Variants in TANGO2 observed in about 807,000 individuals in gnomAD.
The protein encoded by TANGO2 is transport and Golgi organization protein 2 homolog.
A neutral mutation model predicts 39.1 loss-of-function variants in TANGO2; 26 were observed. The ratio of observed to expected loss-of-function variants is 0.67; its 90% CI spans 0.49 to 0.92. The LOEUF (loss-of-function observed/expected upper bound fraction) is 0.92. Ranked by LOEUF, TANGO2 falls within the 40% of genes least tolerant of loss-of-function variation. TANGO2 has a pLI of 0.00. For synonymous variants in TANGO2, 131 were observed against 144.5 expected (o/e 0.91, Z 0.67); for missense variants, 326 against 360.1 (o/e 0.91, Z 0.77).
chr22:20,057,113 C>A lies in TANGO2; in HGVS notation c.451+1100C>A. The A allele has an allele frequency of 2.7e-6, 1 of 376,042 alleles. No homozygotes were observed. Among genetic ancestry groups the A allele is most frequent in the Non-Finnish European group, 5.3e-6 (1 of 187,516 alleles). The allele number at this position is 376,042 out of a possible 1,614,324, so 23.3% of individuals were successfully genotyped here. A position where few individuals can be genotyped will look rare whatever the true frequency, so the allele number is the denominator to read the frequency against. On this transcript the variant is annotated intron_variant, in intron 6 of 8. Coordinates refer to ENST00000327374, the MANE Select transcript of TANGO2 (RefSeq NM_152906.7). The surrounding 1 kb of genome is among the most constrained non-coding windows in gnomAD (Gnocchi z 4.1). ...TGCACACCTTCCCACTGGGTGTACA[C>A]GGTGGAACTGAAGCCCCAGGCGTCC... is the stretch of plus-strand genomic sequence containing the variant.
upstream of TANGO2, among the ~76,000 whole-genome samples, chr22:20,020,095 G>A (rs1006690152): frequency 1.3e-5 from 2 of 152,216 alleles, no homozygotes; most frequent in African/African-American, 2.4e-5. Context: ...ACAGGTTGAA[G>A]CTAATGTGGC....
intron 3 of TANGO2, among the ~76,000 whole-genome samples, chr22:20,046,430 TA>T (rs1164873080): frequency 6.6e-6 from 1 of 150,858 alleles, no homozygotes; most frequent in Non-Finnish European, 1.5e-5. Context: ...TTACAGATAA[TA>T]AGCCATGGTG....
At chr22:20,031,090 T>A (rs970618538) in intron 1 of TANGO2, among the ~76,000 whole-genome samples, 10 of 151,798 alleles carry the variant, frequency 6.6e-5, no homozygotes, top group Non-Finnish European at 1.5e-4. Context: ...CCCAGCTATT[T>A]GAGAGGCTGA....
chr22:20,018,083 G>A (rs1945328787), upstream of TANGO2, among the ~76,000 whole-genome samples: 1 of 152,170 alleles, frequency 6.6e-6, no homozygotes, highest in Non-Finnish European at 1.5e-5. Flanking sequence ...TCATTCCTTG[G>A]CCAGGACAAA....
chr22:20,041,825 T>C (rs2044003649), intron 2 of TANGO2, among the ~76,000 whole-genome samples: 1 of 152,202 alleles, frequency 6.6e-6, no homozygotes, highest in Non-Finnish European at 1.5e-5. Flanking sequence ...TTTTATGAAA[T>C]TGATGTGCAA....
intron 1 of TANGO2, among the ~76,000 whole-genome samples, chr22:20,030,049 G>A (rs906254293): frequency 2.0e-5 from 3 of 151,902 alleles, no homozygotes; most frequent in South Asian, 2.1e-4. Context: ...CAGGCCAGCC[G>A]CTCCGTATGA....
chr22:20,048,462 T>TTTTA (rs2045674338), intron 3 of TANGO2: 2 of 152,204 alleles, frequency 1.3e-5, no homozygotes, highest in South Asian at 2.1e-4. Flanking sequence ...GTTTCTTGAG[T>TTTTA]TTTATTTATT....
intron 1 of TANGO2, among the ~76,000 whole-genome samples, chr22:20,024,275 T>C (rs1019691959): frequency 6.6e-6 from 1 of 152,206 alleles, no homozygotes; most frequent in African/African-American, 2.4e-5. Flanking sequence ...GGTGAGCTCT[T>C]GCTGCGGAGA....
chr22:20,047,224 G>GTTTTTT (rs1241057513), intron 3 of TANGO2, among the ~76,000 whole-genome samples: 1 of 145,744 alleles, frequency 6.9e-6, no homozygotes, highest in African/African-American at 2.5e-5. Flanking sequence ...CAGTTTTTTG[G>GTTTTTT]TTTGTTTGTT....
chr22:20,064,141 G>A (rs1411172859), intron 8 of TANGO2, among the ~76,000 whole-genome samples: 1 of 152,226 alleles, frequency 6.6e-6, no homozygotes, highest in Non-Finnish European at 1.5e-5. Flanking sequence ...GACAGAGGAG[G>A]CCTGGGCCCC....
rs150430656 is a variant in TANGO2, at chr22:20,032,327, G to T, written c.-39-4433G>T. ...GCTTCTGCAAGCCTGGTGGTTGTGT[G>T]CAGGCTGCCCTGGTGGTCTTAGCCC... On this transcript the variant is annotated intron_variant, in intron 1 of 8. Coordinates refer to ENST00000327374, the MANE Select transcript of TANGO2 (RefSeq NM_152906.7). 3.1e-3 allele frequency among the ~76,000 whole-genome samples: 478 copies of T among 152,410 alleles called. 1 individual carries two copies. Among genetic ancestry groups the T allele is most frequent in the African/African-American group, 0.011 (449 of 41,604 alleles).
intron 2 of TANGO2, among the ~76,000 whole-genome samples, chr22:20,041,139 T>C (rs941668591): frequency 9.9e-5 from 15 of 152,136 alleles, no homozygotes; most frequent in Non-Finnish European, 1.9e-4. Context: ...GAATGGTGGG[T>C]GCTAGCACCA....
chr22:20,032,055 A>G (rs2041968582), intron 1 of TANGO2, among the ~76,000 whole-genome samples: 1 of 152,202 alleles, frequency 6.6e-6, no homozygotes, highest in African/African-American at 2.4e-5. Context: ...TTGAGATGAG[A>G]TCACAGCTGC....
chr22:20,063,515 G>C, intron 8 of TANGO2, 73 bp downstream of exon 8: 1 of 1,349,594 alleles, frequency 7.4e-7, no homozygotes, highest in South Asian at 1.3e-5. Flanking sequence ...CGGCAAAGAA[G>C]CCAAGTGCCC....
chr22:20,052,224 C>T (rs2046473643), intron 3 of TANGO2, among the ~76,000 whole-genome samples: 1 of 152,190 alleles, frequency 6.6e-6, no homozygotes, highest in Non-Finnish European at 1.5e-5. Context: ...TGGTTGGTGT[C>T]ATAGTTGTCC....
intron 2 of TANGO2, among the ~76,000 whole-genome samples, chr22:20,040,868 G>A (rs1192170891): frequency 6.6e-6 from 1 of 152,208 alleles, no homozygotes; most frequent in Non-Finnish European, 1.5e-5. Context: ...ATCAGGGACA[G>A]AGACCACCTC....
In TANGO2 at chr22:20,055,961, C is replaced by T. The variant is rs1193891718; in HGVS notation, c.399C>T (p.Val133=). Residue 133 remains valine (V), a synonymous_variant, in exon 6 of 9, where the codon GTC becomes GTT. Coordinates refer to ENST00000327374, the MANE Select transcript of TANGO2 (RefSeq NM_152906.7). ...AADLSTAKGD[V]ICYYGNRGEP... ...CCTGCAGCACAGCAAAGGGAGACGT[C>T]ATTTGCTACTATGGGAACCGAGGGG... The T allele has an allele frequency of 1.9e-6, 3 of 1,614,102 alleles. No individual in the cohort carries two copies. The highest frequency in any genetic ancestry group is 1.1e-5 in the South Asian group (1 of 91,090).
At chr22:20,050,196 G>A (rs976590289) in intron 3 of TANGO2, among the ~76,000 whole-genome samples, 2 of 152,110 alleles carry the variant, frequency 1.3e-5, no homozygotes, top group East Asian at 3.9e-4. Flanking sequence ...AGGCGACAGA[G>A]CAAGACTCTA....
At chr22:20,053,289 G>A (rs2046736987) in intron 4 of TANGO2, 148 bp from the exon 5 acceptor site, 2 of 612,734 alleles carry the variant, frequency 3.3e-6, no homozygotes, top group African/African-American at 1.9e-5. Flanking sequence ...ATGAGGTGTG[G>A]CTGACTCTTG....
Sources: gnomAD v4.1 joint callset for allele counts (sites outside exome capture counted in the v4.1 genomes callset) on GRCh38, gnomAD v4.1.1 for gene constraint, Gnocchi (gnomAD v3.1) non-coding constraint, MANE v1.5 for transcripts, NCBI Gene and HGNC (gene_info 2026-07-23, HGNC 2026-07-21) for gene names.